Variants in PLIN1 observed in about 807,000 individuals in gnomAD.
PLIN1 encodes the protein perilipin-1.
Under a neutral mutation model 45.8 loss-of-function variants are expected in PLIN1, and 37 were observed. The observed-to-expected ratio is 0.81, with a 90% CI of 0.62 to 1.06. PLIN1 has a LOEUF of 1.06. Ranked by LOEUF, PLIN1 falls within the 50% of genes least tolerant of loss-of-function variation. The probability of loss-of-function intolerance (pLI) is 0.00; values close to 1 mark genes in which losing one functional copy is unlikely to be tolerated. For synonymous variants in PLIN1, 340 were observed against 309.2 expected, an observed-to-expected ratio of 1.10 and a Z score of -1.05; for missense variants, 776 against 716.5, an observed-to-expected ratio of 1.08 and a Z score of -0.95.
intron 6 of PLIN1, 131 bp from the exon 7 acceptor site, chr15:89,667,924 T>C (rs1964379655): frequency 7.5e-7 from 1 of 1,335,338 alleles, no homozygotes; most frequent in East Asian, 2.6e-5. Flanking sequence ...AGCAGACTTT[T>C]CTGGAAACTT....
At chr15:89,677,924 T>A in intron 1 of PLIN1, 1 of 175,632 alleles carries the variant, frequency 5.7e-6, no homozygotes, top group Non-Finnish European at 1.2e-5. Context: ...CTAGTTTTTT[T>A]TTTTTTTTCT....
chr15:89,673,976 G>A (rs780023004), intron 2 of PLIN1, among the ~76,000 whole-genome samples: 15 of 152,122 alleles, frequency 9.9e-5, no homozygotes, highest in Non-Finnish European at 1.2e-4. Flanking sequence ...CCATCACGTC[G>A]GAAACCACTC....
intron 2 of PLIN1, among the ~76,000 whole-genome samples, chr15:89,675,660 A>G (rs1472978997): frequency 2.0e-5 from 3 of 152,214 alleles, no homozygotes; most frequent in African/African-American, 7.2e-5. Context: ...GCAGAGGGAA[A>G]GAACATTTGC....
chr15:89,666,884 C>A, intron 8 of PLIN1, 52 bp downstream of exon 8: 1 of 1,607,302 alleles, frequency 6.2e-7, no homozygotes, highest in Non-Finnish European at 8.5e-7. Context: ...ACTTTATCTG[C>A]CATGTCCAGG....
In PLIN1 at chr15:89,665,772, CTGCGCGCTGCGCAGGCTGCGGCGGGGCTG is replaced by C. The variant is rs1346961522; in HGVS notation, c.1351_1379del (p.Gln451GlufsTer105). On this transcript the variant is annotated frameshift_variant, in exon 9 of 9. Transcript: ENST00000300055. LOFTEE classifies it high-confidence loss of function. ...CCGGGCCGGGGGGCGCGCCGGGGCT[CTGCGCGCTGCGCAGGCTGCGGCGGGGCTG>C]TGCGAGACGCGGGGCGGGCTCCGGG... The C allele has an allele frequency of 1.6e-6, 2 of 1,261,810 alleles. No homozygotes were observed. Among genetic ancestry groups the C allele is most frequent in the South Asian group, 2.9e-5 (1 of 34,690 alleles). The allele number at this position is 1,261,810 out of a possible 1,614,324, so 78.2% of individuals were successfully genotyped here.
At chr15:89,677,096 C>T in intron 2 of PLIN1, 1 of 388,408 alleles carries the variant, frequency 2.6e-6, no homozygotes, top group Admixed American at 3.6e-5. Context: ...TACAGTGGCT[C>T]TGCACTGAAT....
chr15:89,672,078 C>T (rs1395953463), intron 3 of PLIN1, among the ~76,000 whole-genome samples: 1 of 152,080 alleles, frequency 6.6e-6, no homozygotes, highest in Non-Finnish European at 1.5e-5. Context: ...TGGGGCTGGG[C>T]CTGCTTAGCT....
chr15:89,678,376 G>A (rs1393291634), intron 1 of PLIN1, among the ~76,000 whole-genome samples: 1 of 151,844 alleles, frequency 6.6e-6, no homozygotes, highest in Admixed American at 6.6e-5. Flanking sequence ...CAGACGTGGT[G>A]GTGGGCAGCT....
chr15:89,675,264 T>C (rs1964498674), intron 2 of PLIN1, among the ~76,000 whole-genome samples: 1 of 152,090 alleles, frequency 6.6e-6, no homozygotes. Flanking sequence ...AATTAAGTTT[T>C]AGGTCACCTA....
At chr15:89,677,562 A>G in intron 1 of PLIN1, 59 bp from the exon 2 acceptor site, 5 of 1,420,264 alleles carry the variant, frequency 3.5e-6, no homozygotes, top group Non-Finnish European at 5.0e-6. Flanking sequence ...CCACTGGGTC[A>G]CTTCCCTACC....
At chr15:89,666,418 C>A (rs1446276613) in intron 8 of PLIN1, among the ~76,000 whole-genome samples, 1 of 152,204 alleles carries the variant, frequency 6.6e-6, no homozygotes, top group African/African-American at 2.4e-5. Context: ...CCCCGCCCCC[C>A]AGGCCTGCAT....
chr15:89,667,867 C>T, intron 6 of PLIN1, 74 bp from the exon 7 acceptor site: 1 of 1,532,854 alleles, frequency 6.5e-7, no homozygotes, highest in African/African-American at 1.4e-5. Context: ...CAGCCCAAGC[C>T]CCTCGCCCCC....
intron 4 of PLIN1, 145 bp from the exon 5 acceptor site, chr15:89,670,389 G>T: frequency 2.4e-6 from 2 of 826,640 alleles, no homozygotes; most frequent in Non-Finnish European, 3.8e-6. Context: ...TTAGGTACCT[G>T]GAATTAAGCT....
intron 1 of PLIN1, among the ~76,000 whole-genome samples, chr15:89,678,479 C>T (rs1596045495): frequency 6.6e-6 from 1 of 151,370 alleles, no homozygotes; most frequent in Admixed American, 6.6e-5. Flanking sequence ...CACTGCACTC[C>T]AGCCTGGGTG....
chr15:89,667,747 G>A lies in PLIN1; in HGVS notation c.818C>T (p.Ser273Phe). Residue 273 changes from serine to phenylalanine, a missense_variant, in exon 7 of 9, where the codon TCC (serine) becomes TTC (phenylalanine). Ser to Phe is a radical substitution (Grantham distance 155). Coordinates refer to ENST00000300055, the MANE Select transcript of PLIN1 (RefSeq NM_002666.5). The part of the protein sequence containing the change: ...WGASVAMQAV[S>F]RRRSEVRVPW... ...TACCCGCACTTCGCTCCTCCGCCGG[G>A]ACACCGCCTGCATGGCCACTGAGGC... The A allele has an allele frequency of 6.4e-6, 10 of 1,565,444 alleles. No individual in the cohort carries two copies. Among genetic ancestry groups the A allele is most frequent in the Non-Finnish European group, 8.7e-6 (10 of 1,155,008 alleles).
rs955782300 is a variant in PLIN1 at position 89,664,475 on chromosome 15, G to T, written c.*1108C>A. On this transcript the variant is annotated 3_prime_UTR_variant, in exon 9 of 9. Transcript: ENST00000300055. The stretch of plus-strand genomic sequence containing the variant: ...GGGAACTAGTTAAATCAAATAAGGC[G>T]TATCCATATTATGCAGTAGTTATTA... 1.2e-5 allele frequency: 2 copies of T among 160,426 alleles called. No individual in the cohort carries two copies. The highest frequency in any genetic ancestry group is 2.4e-5 in the African/African-American group (1 of 41,448). 9.9% of individuals were successfully genotyped at this position (160,426 alleles called of 1,614,324 possible).
At chr15:89,674,849 A>G (rs974286045) in intron 2 of PLIN1, among the ~76,000 whole-genome samples, 24 of 152,268 alleles carry the variant, frequency 1.6e-4, no homozygotes, top group African/African-American at 5.3e-4. Context: ...CTACAGTTTT[A>G]CATTATCTTT....
rs1012947390 is a variant in PLIN1, at chr15:89,673,301, A to G, written c.159T>C (p.Ser53=). Residue 53 remains serine (S), a synonymous_variant, in exon 3 of 9, where the codon TCT becomes TCC. Transcript: ENST00000300055. ...STKEAHPLVA[S]VCNAYEKGVQ... ...CGCCCTTCTCATAGGCATTGCACAC[A>G]GAGGCCACCAGGGGGTGGGCTTCCT... 3 of 1,587,918 alleles carry G rather than the reference A, an allele frequency of 1.9e-6. No individual in the cohort carries two copies. Among genetic ancestry groups the G allele is most frequent in the South Asian group, 1.1e-5 (1 of 87,152 alleles).
intron 6 of PLIN1, among the ~76,000 whole-genome samples, chr15:89,669,160 T>C (rs1943491970): frequency 6.6e-6 from 1 of 151,788 alleles, no homozygotes; most frequent in African/African-American, 2.4e-5. Context: ...GTCTTATAGG[T>C]GGGAAGACCC....
Sources: allele counts gnomAD v4.1 joint callset (sites outside exome capture counted in the v4.1 genomes callset), GRCh38; gene constraint gnomAD v4.1.1; transcripts MANE v1.5; gene names NCBI Gene and HGNC (gene_info 2026-07-23, HGNC 2026-07-21).